The following YTHDC2 variants were observed in gnomAD, a reference collection of about 807,000 sequenced individuals.
YTHDC2 encodes the protein YTH N6-methyladenosine RNA binding protein C2, also known as 3'-5' RNA helicase YTHDC2.
A neutral mutation model predicts 174.9 loss-of-function variants in YTHDC2; 45 were observed. The observed-to-expected ratio is 0.26, with a 90% CI of 0.20 to 0.33. The LOEUF is 0.33. Among genes scored for constraint, YTHDC2 ranks in the 10% least tolerant of loss-of-function variants. The probability of loss-of-function intolerance (pLI) is 1.00; values close to 1 mark genes in which losing one functional copy is unlikely to be tolerated. For synonymous variants in YTHDC2, 657 were observed against 574.5 expected, an observed-to-expected ratio of 1.14 and a Z score of -2.05; for missense variants, 1,650 against 1,723.7, an observed-to-expected ratio of 0.96 and a Z score of 0.76.
Position 113,514,072 on chromosome 5 carries a change from G to T in YTHDC2, c.177G>T (p.Gly59=). 6.2e-7 allele frequency: 1 copy of T among 1,611,628 alleles called. No homozygotes were observed. The highest frequency in any genetic ancestry group is 8.5e-7 in the Non-Finnish European group (1 of 1,179,054). ...VNIALERFRY[G]DQREMEFPSS... is the part of the protein sequence containing the mutation. ...TCGCGCTGGAGCGCTTCCGATACGG[G>T]GACCAGAGAGGTGAGGTTCCGGACA... The change falls in exon 1 of 30, where the codon GGG becomes GGT. Residue 59 remains glycine, a synonymous_variant. Transcript: ENST00000161863.
intron 23 of YTHDC2, among the ~76,000 whole-genome samples, chr5:113,568,888 C>G (rs1340160866): frequency 6.6e-6 from 1 of 151,854 alleles, no homozygotes; most frequent in Non-Finnish European, 1.5e-5. Context: ...GGGTATTTAC[C>G]CAGAAATGGT....
At chr5:113,564,904 C>T (rs1269334243) in intron 20 of YTHDC2, among the ~76,000 whole-genome samples, 1 of 152,160 alleles carries the variant, frequency 6.6e-6, no homozygotes, top group African/African-American at 2.4e-5. Flanking sequence ...ACCTCAGCCT[C>T]CCAGGTTCAA....
chr5:113,589,507 GC>G (rs1343507772), intron 26 of YTHDC2, among the ~76,000 whole-genome samples: 1 of 150,142 alleles, frequency 6.7e-6, no homozygotes, highest in Admixed American at 6.6e-5. Context: ...TGGGATGATA[GC>G]TTGAGGCTAG....
intron 7 of YTHDC2, 141 bp from the exon 8 acceptor site, chr5:113,538,933 G>A (rs1775265395): frequency 2.1e-6 from 1 of 465,162 alleles, no homozygotes; most frequent in East Asian, 4.2e-5. Context: ...TATAGTTAAA[G>A]GACAATATTA....
intron 2 of YTHDC2, among the ~76,000 whole-genome samples, chr5:113,522,165 T>G (rs10056194): frequency 0.18 from 27,142 of 148,412 alleles, 2,641 homozygotes; most frequent in African/African-American, 0.21. Flanking sequence ...TGGTGGTGGT[T>G]GTTGTTTGTT....
chr5:113,517,676 T>TA, intron 2 of YTHDC2: 1 of 444,478 alleles, frequency 2.2e-6, no homozygotes, highest in Non-Finnish European at 4.5e-6. Context: ...TCTTACGAAA[T>TA]ACCCTAGCTC....
chr5:113,530,590 A>T (rs1299945869), intron 4 of YTHDC2, among the ~76,000 whole-genome samples: 1 of 152,054 alleles, frequency 6.6e-6, no homozygotes, highest in Non-Finnish European at 1.5e-5. Context: ...GCTGTCATTC[A>T]TTTCACTTAT....
intron 17 of YTHDC2, among the ~76,000 whole-genome samples, chr5:113,558,044 C>A (rs80352619): frequency 2.2e-4 from 34 of 151,956 alleles, no homozygotes. Flanking sequence ...CTGGATGTTT[C>A]CAGAGTTGTT....
intron 8 of YTHDC2, among the ~76,000 whole-genome samples, chr5:113,540,437 G>A (rs1775373159): frequency 6.6e-6 from 1 of 152,140 alleles, no homozygotes; most frequent in South Asian, 2.1e-4. Flanking sequence ...GATACTACCT[G>A]AGACTTGGAA....
chr5:113,517,581 A>G (rs752238617), intron 2 of YTHDC2: 18 of 456,206 alleles, frequency 3.9e-5, no homozygotes, highest in South Asian at 1.5e-4. Context: ...GAAAGAAGAA[A>G]AAGGAAAGAG....
intron 28 of YTHDC2, chr5:113,593,082 G>C (rs17135753): frequency 0.18 from 61,391 of 346,762 alleles, 6,446 homozygotes; most frequent in Admixed American, 0.35. Flanking sequence ...CACAAAAGTT[G>C]AGAGATTTTG....
At chr5:113,581,327 A>C (rs1778390279) in intron 24 of YTHDC2, 90 bp from the exon 25 acceptor site, 2 of 1,229,730 alleles carry the variant, frequency 1.6e-6, no homozygotes, top group South Asian at 2.6e-5. Context: ...AGTTTGTTGG[A>C]AACAGTTGCA....
chr5:113,561,757 G>A (rs574642334), intron 18 of YTHDC2, among the ~76,000 whole-genome samples: 24 of 151,996 alleles, frequency 1.6e-4, no homozygotes, highest in East Asian at 1.9e-4. Flanking sequence ...GTGAGCCACC[G>A]CACCCAGCCA....
chr5:113,584,490 C>G lies in YTHDC2; in HGVS notation c.3825+11C>G, dbSNP rs1420782261. On this transcript the variant is annotated intron_variant, in intron 26 of 29. Coordinates refer to ENST00000161863, the MANE Select transcript of YTHDC2 (RefSeq NM_022828.5). ...CCATCCTCAGGAAAGGTAAGAGTAT[C>G]TGAAAGAAAATGTAGTAAGGAACAG... 2 of 1,591,654 alleles carry G rather than the reference C, an allele frequency of 1.3e-6. No homozygotes were observed.
At chr5:113,517,125 A>T (rs1773485572) in intron 2 of YTHDC2, among the ~76,000 whole-genome samples, 1 of 152,238 alleles carries the variant, frequency 6.6e-6, no homozygotes, top group African/African-American at 2.4e-5. Context: ...TCTACCTAAT[A>T]AAATATGGCC....
chr5:113,529,116 C>T (rs769080824), intron 4 of YTHDC2, among the ~76,000 whole-genome samples: 5 of 151,894 alleles, frequency 3.3e-5, no homozygotes, highest in Non-Finnish European at 5.9e-5. Flanking sequence ...TATTCGTGAA[C>T]ATTTTTGTTA....
At chr5:113,553,095 T>G in intron 12 of YTHDC2, 86 bp from the exon 13 acceptor site, 2 of 1,265,382 alleles carry the variant, frequency 1.6e-6, no homozygotes, top group Non-Finnish European at 2.1e-6. Context: ...TTACCTTCCT[T>G]AGGGAATATT....
intron 6 of YTHDC2, among the ~76,000 whole-genome samples, chr5:113,535,013 CGT>C (rs901052997): frequency 1.3e-5 from 2 of 152,098 alleles, no homozygotes; most frequent in African/African-American, 4.8e-5. Context: ...CTAAAAGAAA[CGT>C]ATTTACATAG....
In YTHDC2 at chr5:113,592,378, A is replaced by T. The variant is rs538561217; in HGVS notation, c.4212+200A>T. ...ATTGCTCCTTGCAGTCAGAGTCTCA[A>T]GATGACAATAGTATTTAACTTCTCT... On this transcript the variant is annotated intron_variant, in intron 28 of 29. Transcript: ENST00000161863. The T allele has an allele frequency of 3.2e-4, 144 of 444,026 alleles. 1 individual carries two copies. The highest frequency in any genetic ancestry group is 2.7e-3 in the African/African-American group (135 of 49,160). 27.5% of individuals were successfully genotyped at this position (444,026 alleles called of 1,614,324 possible). A position where few individuals can be genotyped will look rare whatever the true frequency, so the allele number is the denominator to read the frequency against.
Sources: allele counts gnomAD v4.1 joint callset (sites outside exome capture counted in the v4.1 genomes callset), GRCh38; gene constraint gnomAD v4.1.1; transcripts MANE v1.5; gene names NCBI Gene and HGNC (gene_info 2026-07-23, HGNC 2026-07-21).